CFAP61: variants seen among roughly 807,000 people sequenced by gnomAD.
The protein encoded by CFAP61 is cilia and flagella associated protein 61.
Under a neutral mutation model 135.6 loss-of-function variants are expected in CFAP61, and 107 were observed. The ratio of observed to expected loss-of-function variants is 0.79; its 90% CI spans 0.67 to 0.93. CFAP61 has a LOEUF of 0.93. Ranked by LOEUF, CFAP61 falls within the 40% of genes least tolerant of loss-of-function variation. The probability of loss-of-function intolerance (pLI) is 0.00; values close to 1 mark genes in which losing one functional copy is unlikely to be tolerated. For missense variants in CFAP61, 1,507 were observed against 1,556.2 expected (o/e 0.97, Z 0.53); for synonymous variants, 575 against 578.5 (o/e 0.99, Z 0.09).
intron 16 of CFAP61, among the ~76,000 whole-genome samples, chr20:20,198,358 T>C (rs1379275026): frequency 6.6e-6 from 1 of 152,212 alleles, no homozygotes; most frequent in African/African-American, 2.4e-5. Flanking sequence ...AGAAAGTCCA[T>C]TTGCATCCAT....
intron 8 of CFAP61, among the ~76,000 whole-genome samples, chr20:20,123,743 A>C (rs2049849810): frequency 6.6e-6 from 1 of 151,220 alleles, no homozygotes; most frequent in Non-Finnish European, 1.5e-5. Flanking sequence ...TGAATTTTAG[A>C]ATTGTATTTT....
chr20:20,332,614 C>A (rs901656730), intron 25 of CFAP61, among the ~76,000 whole-genome samples: 1 of 152,094 alleles, frequency 6.6e-6, no homozygotes, highest in Non-Finnish European at 1.5e-5. Context: ...TTATTTGTTT[C>A]CACAGAATTC....
intron 20 of CFAP61, among the ~76,000 whole-genome samples, chr20:20,255,442 A>G (rs1037514509): frequency 1.3e-5 from 2 of 152,220 alleles, no homozygotes; most frequent in Non-Finnish European, 1.5e-5. Context: ...TAGGGCAGGT[A>G]CTTCCAAGCA....
chr20:20,204,824 A>G (rs1192622541), intron 17 of CFAP61, among the ~76,000 whole-genome samples: 1 of 152,216 alleles, frequency 6.6e-6, no homozygotes, highest in Non-Finnish European at 1.5e-5. Flanking sequence ...TTTTCTTGAA[A>G]TGAAATTAAC....
At chr20:20,093,642 C>A (rs1004236368) in intron 7 of CFAP61, among the ~76,000 whole-genome samples, 1 of 151,910 alleles carries the variant, frequency 6.6e-6, no homozygotes, top group African/African-American at 2.4e-5. Context: ...GCCATGTTGA[C>A]CAGGCTGGTC....
At chr20:20,056,055 A>C (rs770869638) in intron 1 of CFAP61, 1 of 1,443,562 alleles carries the variant, frequency 6.9e-7, no homozygotes, top group Non-Finnish European at 9.6e-7. Context: ...AGGCTGGGTT[A>C]TACAAAGAAA....
Position 20,056,668 on chromosome 20 carries a change from T to C in CFAP61, c.15T>C (p.Thr5=). MSVL[T]SPRGKVEVVH... Reference sequence around the variant, plus strand: ...CAGGATAAAAAATGTCAGTACTCACTTCTCCAAGAGGAAAGGTAGAAGTTG... The same window carrying C: ...CAGGATAAAAAATGTCAGTACTCACCTCTCCAAGAGGAAAGGTAGAAGTTG... The change falls in exon 2 of 27, where the codon ACT becomes ACC. Residue 5 remains threonine (T), a synonymous_variant. Transcript: ENST00000245957. 1.9e-6 allele frequency: 3 copies of C among 1,614,154 alleles called. No individual in the cohort carries two copies. The highest frequency in any genetic ancestry group is 2.5e-6 in the Non-Finnish European group (3 of 1,179,998).
At chr20:20,273,930 A>G (rs1254849591) in intron 21 of CFAP61, among the ~76,000 whole-genome samples, 1 of 152,238 alleles carries the variant, frequency 6.6e-6, no homozygotes, top group Non-Finnish European at 1.5e-5. Context: ...CAGCTCATCC[A>G]TATTAGTAAA....
intron 26 of CFAP61, among the ~76,000 whole-genome samples, chr20:20,356,772 A>G (rs866436753): frequency 1.7e-3 from 1 of 588 alleles, no homozygotes. Flanking sequence ...ACTGAGGGGA[A>G]GTGGTCACAC....
intron 26 of CFAP61, among the ~76,000 whole-genome samples, chr20:20,352,028 A>C (rs61393846): frequency 0.017 from 2,599 of 152,298 alleles, 69 homozygotes; most frequent in African/African-American, 0.06. Context: ...CATGTGTATT[A>C]GTCCATTTTC....
intron 17 of CFAP61, among the ~76,000 whole-genome samples, chr20:20,208,420 G>A (rs990284300): frequency 1.3e-5 from 2 of 152,080 alleles, no homozygotes; most frequent in Admixed American, 6.5e-5. Context: ...TTCCTCCAAG[G>A]GTTAGACTCC....
At chr20:20,206,739 G>GTA (rs920391229) in intron 17 of CFAP61, among the ~76,000 whole-genome samples, 25 of 151,444 alleles carry the variant, frequency 1.7e-4, no homozygotes, top group African/African-American at 4.6e-4. Context: ...AGGTTTTTGG[G>GTA]TATATATATA....
At chr20:20,282,812 G>A (rs2054298820) in intron 22 of CFAP61, among the ~76,000 whole-genome samples, 1 of 152,026 alleles carries the variant, frequency 6.6e-6, no homozygotes, top group Non-Finnish European at 1.5e-5. Flanking sequence ...GGTGGTACAT[G>A]CCTGAAATCC....
rs187018800 is a variant in CFAP61 at position 20,057,781 on chromosome 20, G to A, written c.143+985G>A. On this transcript the variant is annotated intron_variant, in intron 2 of 26. Transcript: ENST00000245957. ...GCCCAGATCTGGGGTGCAGTGGTGCGATCTCGGCTCACTGCAATCTCCGCC... is the reference window on the plus strand; with the variant it reads ...GCCCAGATCTGGGGTGCAGTGGTGCAATCTCGGCTCACTGCAATCTCCGCC... Among the ~76,000 whole-genome samples, 498 of 152,194 alleles carry A rather than the reference G, an allele frequency of 3.3e-3. 2 individuals carry two copies. The highest frequency in any genetic ancestry group is 0.011 in the African/African-American group (468 of 41,524).
chr20:20,298,834 G>T (rs2122132863), intron 25 of CFAP61, among the ~76,000 whole-genome samples: 1 of 152,340 alleles, frequency 6.6e-6, no homozygotes, highest in African/African-American at 2.4e-5. Flanking sequence ...GGCAGGCCCA[G>T]GGTGGTCATT....
At chr20:20,301,797 A>G (rs1236403596) in intron 25 of CFAP61, among the ~76,000 whole-genome samples, 2 of 152,176 alleles carry the variant, frequency 1.3e-5, no homozygotes, top group Non-Finnish European at 2.9e-5. Context: ...TTTGAGGCTT[A>G]TCTTTTTACT....
chr20:20,296,368 A>C (rs1412193699), intron 24 of CFAP61, among the ~76,000 whole-genome samples: 173 of 35,276 alleles, frequency 4.9e-3, no homozygotes, highest in East Asian at 6.0e-3. Flanking sequence ...TCCTTTCTTC[A>C]TCCCTCCTTC....
At chr20:20,099,287 A>G (rs1028638978) in intron 8 of CFAP61, among the ~76,000 whole-genome samples, 1 of 152,152 alleles carries the variant, frequency 6.6e-6, no homozygotes, top group African/African-American at 2.4e-5. Flanking sequence ...GTCTGTTGCA[A>G]GTAGTCATTT....
chr20:20,122,276 C>T (rs2049714492), intron 8 of CFAP61, among the ~76,000 whole-genome samples: 1 of 152,106 alleles, frequency 6.6e-6, no homozygotes, highest in South Asian at 2.1e-4. Flanking sequence ...GCCTCAGCCT[C>T]TCCCGAGCAG....
Sources: gnomAD v4.1 joint callset for allele counts (sites outside exome capture counted in the v4.1 genomes callset) on GRCh38, gnomAD v4.1.1 for gene constraint, MANE v1.5 for transcripts, NCBI Gene and HGNC (gene_info 2026-07-23, HGNC 2026-07-21) for gene names.